Variants in DMD observed in about 807,000 individuals in gnomAD.
The protein encoded by DMD is dystrophin.
In DMD, 63 loss-of-function variants were observed where a neutral mutation model predicts 330.1. That is an observed-to-expected ratio of 0.19 (90% CI 0.16 to 0.24). The LOEUF (loss-of-function observed/expected upper bound fraction) is 0.24. Among genes scored for constraint, DMD ranks in the 10% least tolerant of loss-of-function variants. The pLI is 1.00. For synonymous variants in DMD, 1,223 were observed against 959.8 expected (o/e 1.27, Z -5.07); for missense variants, 3,344 against 2,684.1 (o/e 1.25, Z -5.43).
chrX:32,313,290 G>C (rs2097571210), intron 41 of DMD, among the ~76,000 whole-genome samples: 1 of 111,018 alleles, frequency 9.0e-6, no homozygotes, highest in South Asian at 3.8e-4. Context: ...CAGAACCAAT[G>C]ACCAAAAAAA....
intron 16 of DMD, among the ~76,000 whole-genome samples, chrX:32,551,326 T>A (rs1204529497): frequency 9.0e-6 from 1 of 111,330 alleles, no homozygotes; most frequent in Non-Finnish European, 1.9e-5. Context: ...GCGAGGTTGA[T>A]TCAACATACA....
Position 31,723,280 on chromosome X carries a change from T to TGCAATCTCCC in DMD, c.7660+6350_7660+6351insGGGAGATTGC, listed in dbSNP as rs201001072. 1.1e-3 allele frequency among the ~76,000 whole-genome samples: 122 copies of TGCAATCTCCC among 110,847 alleles called. 1 individual carries two copies. Among genetic ancestry groups the TGCAATCTCCC allele is most frequent in the Admixed American group, 1.2e-3 (12 of 10,373 alleles). On this transcript the variant is annotated intron_variant, in intron 52 of 78. Coordinates refer to ENST00000357033, the MANE Select transcript of DMD (RefSeq NM_004006.3). ...TCTTGTCCAAAAGTAACATCACTCC[T>TGCAATCTCCC]GCAATCTCTATGTTTTCAACCATTT...
At chrX:33,094,372 T>C (rs1288504584) in intron 1 of DMD, among the ~76,000 whole-genome samples, 1 of 111,414 alleles carries the variant, frequency 9.0e-6, no homozygotes, top group African/African-American at 3.3e-5. Context: ...TGACAAATCT[T>C]AAGAAAAAAG....
intron 74 of DMD, among the ~76,000 whole-genome samples, chrX:31,161,939 C>CA (rs1220239740): frequency 1.4e-4 from 15 of 110,617 alleles, no homozygotes; most frequent in African/African-American, 4.9e-4. Context: ...CTCACTGGTC[C>CA]ACCAGTCTGG....
intron 42 of DMD, among the ~76,000 whole-genome samples, chrX:32,309,474 A>C (rs73619055): frequency 1.9e-3 from 209 of 111,388 alleles, no homozygotes; most frequent in African/African-American, 6.6e-3. Context: ...TCTGAAATTC[A>C]TAGCCTATTT....
intron 7 of DMD, among the ~76,000 whole-genome samples, chrX:32,744,381 G>C (rs747682635): frequency 6.6e-4 from 73 of 110,522 alleles, no homozygotes; most frequent in Middle Eastern, 4.6e-3. Flanking sequence ...GGTCTTCCTA[G>C]CATTGTGTGA....
intron 2 of DMD, among the ~76,000 whole-genome samples, chrX:32,865,790 T>C (rs779826662): frequency 1.8e-5 from 2 of 112,862 alleles, no homozygotes; most frequent in Non-Finnish European, 3.7e-5. Context: ...ATTATTTGCA[T>C]GCAAAAATAT....
At chrX:31,590,767 T>C (rs182307032) in intron 55 of DMD, among the ~76,000 whole-genome samples, 34 of 111,658 alleles carry the variant, frequency 3.0e-4, no homozygotes, top group Admixed American at 2.7e-3. Context: ...TAATTGCTCT[T>C]ACAGAGTGTT....
chrX:31,746,758 T>C (rs1177988440), intron 51 of DMD, among the ~76,000 whole-genome samples: 1 of 110,810 alleles, frequency 9.0e-6, no homozygotes, highest in Non-Finnish European at 1.9e-5. Context: ...GTTTTACAAA[T>C]AAGTGTGAAA....
intron 7 of DMD, among the ~76,000 whole-genome samples, chrX:32,734,059 C>CAAT (rs2068081844): frequency 9.4e-6 from 1 of 106,477 alleles, no homozygotes; most frequent in Admixed American, 1.0e-4. Context: ...CAAATAGATG[C>CAAT]AATAAAAAAT....
chrX:31,825,000 C>T (rs754389544), intron 49 of DMD, among the ~76,000 whole-genome samples: 64 of 111,479 alleles, frequency 5.7e-4, no homozygotes, highest in African/African-American at 2.1e-3. Flanking sequence ...CAAAAGCAAA[C>T]AAAAAATAAT....
At chrX:32,127,187 C>T (rs1458113031) in intron 44 of DMD, among the ~76,000 whole-genome samples, 2 of 111,503 alleles carry the variant, frequency 1.8e-5, no homozygotes, top group Non-Finnish European at 3.8e-5. Flanking sequence ...CCCTTAAGTG[C>T]CTGCTTGAGA....
In DMD at chrX:33,331,991, T is replaced by C. The variant is rs187755261; in HGVS notation, c.7+7268A>G. 9.8e-4 allele frequency among the ~76,000 whole-genome samples: 110 copies of C among 111,832 alleles called. 1 individual carries two copies. The East Asian group carries it at 0.028, about 28-fold the overall frequency. The stretch of plus-strand genomic sequence containing the variant: ...CATTTTATATTGCAATTAGTATCTA[T>C]AGGTCAAAATGTATGGAGTTATAAA... On this transcript the variant is annotated intron_variant, in intron 1 of 17. Transcript: ENST00000288447.
intron 44 of DMD, among the ~76,000 whole-genome samples, chrX:32,071,316 A>T (rs775964963): frequency 2.7e-5 from 3 of 109,904 alleles, no homozygotes; most frequent in Non-Finnish European, 3.8e-5. Flanking sequence ...CCACATCCTC[A>T]CCAGCACCTG....
At chrX:32,554,335 G>C (rs1208575050) in intron 16 of DMD, among the ~76,000 whole-genome samples, 1 of 110,028 alleles carries the variant, frequency 9.1e-6, no homozygotes, top group Non-Finnish European at 1.9e-5. Context: ...GCTGGTTTTT[G>C]GAAAAAAATA....
chrX:32,870,988 A>AAAC (rs2082944341), intron 2 of DMD, among the ~76,000 whole-genome samples: 1 of 41,769 alleles, frequency 2.4e-5, no homozygotes, highest in African/African-American at 7.2e-5. Context: ...AAAAAAAAAA[A>AAAC]CCACAAAACC....
At chrX:31,855,416 T>C (rs191048050) in intron 48 of DMD, among the ~76,000 whole-genome samples, 7 of 112,374 alleles carry the variant, frequency 6.2e-5, no homozygotes, top group Middle Eastern at 9.3e-3. Flanking sequence ...TTATTATCCA[T>C]ATAGTAATTG....
Position 32,341,948 on chromosome X carries a change from C to A in DMD, c.5922+152G>T, listed in dbSNP as rs1042718257. The A allele has an allele frequency of 1.3e-5, 7 of 534,920 alleles. No individual in the cohort carries two copies. The African/African-American group carries it at 1.4e-4, about 11-fold the overall frequency. The allele number at this position is 534,920 out of a possible 1,213,427, so 44.1% of individuals were successfully genotyped here. A position where few individuals can be genotyped will look rare whatever the true frequency, so the allele number is the denominator to read the frequency against. ...AAATTAAGCACTAGTGTTACAGAAG[C>A]CCAAAGTGAGGGAAACCACTCACTT... On this transcript the variant is annotated intron_variant, in intron 41 of 78. Coordinates refer to ENST00000357033, the MANE Select transcript of DMD (RefSeq NM_004006.3).
intron 50 of DMD, among the ~76,000 whole-genome samples, chrX:31,817,605 C>T (rs2092665038): frequency 9.0e-6 from 1 of 111,315 alleles, no homozygotes; most frequent in African/African-American, 3.3e-5. Flanking sequence ...TTAGCTACTA[C>T]CACAACTCTG....
Sources: gnomAD v4.1 joint callset for allele counts (sites outside exome capture counted in the v4.1 genomes callset) on GRCh38, gnomAD v4.1.1 for gene constraint, MANE v1.5 for transcripts, NCBI Gene and HGNC (gene_info 2026-07-23, HGNC 2026-07-21) for gene names.